Variants in RPS6KA2 observed in about 807,000 individuals in gnomAD.
RPS6KA2 encodes the protein ribosomal protein S6 kinase A2, also known as ribosomal protein S6 kinase alpha-2.
In RPS6KA2, 42 loss-of-function variants were observed where a neutral mutation model predicts 91.8. The ratio of observed to expected loss-of-function variants is 0.46; its 90% CI spans 0.36 to 0.59. RPS6KA2 has a LOEUF of 0.59. Ranked by LOEUF, RPS6KA2 falls within the 20% of genes least tolerant of loss-of-function variation. The pLI, the probability that RPS6KA2 is intolerant of heterozygous loss-of-function variation, is 0.00. For missense variants in RPS6KA2, 798 were observed against 978.5 expected (o/e 0.82, Z 2.46); for synonymous variants, 414 against 393.6 (o/e 1.05, Z -0.61).
chr6:166,682,444 C>G (rs751639968), intron 2 of RPS6KA2, among the ~76,000 whole-genome samples: 1 of 152,094 alleles, frequency 6.6e-6, no homozygotes, highest in Admixed American at 6.5e-5. Flanking sequence ...AGGTGGGGTC[C>G]GGTGTGGGCA....
At chr6:166,805,243 C>T (rs1779462980) in intron 2 of RPS6KA2, among the ~76,000 whole-genome samples, 1 of 152,210 alleles carries the variant, frequency 6.6e-6, no homozygotes, top group Non-Finnish European at 1.5e-5. Context: ...CTTTCGCAAC[C>T]TGCAGGTAGC....
intron 7 of RPS6KA2, among the ~76,000 whole-genome samples, chr6:166,499,556 C>T (rs766843896): frequency 6.6e-6 from 1 of 152,176 alleles, no homozygotes; most frequent in Non-Finnish European, 1.5e-5. Context: ...ATAAGACTCA[C>T]GAGATCTGAT....
chr6:166,760,169 T>C (rs1036191406), intron 2 of RPS6KA2, among the ~76,000 whole-genome samples: 8 of 152,238 alleles, frequency 5.3e-5, no homozygotes, highest in Non-Finnish European at 5.9e-5. Context: ...GTAGCTCATG[T>C]AGGGCAATGT....
intron 1 of RPS6KA2, among the ~76,000 whole-genome samples, chr6:166,542,960 T>G (rs1005235898): frequency 2.6e-5 from 4 of 152,188 alleles, no homozygotes; most frequent in Non-Finnish European, 5.9e-5. Flanking sequence ...AATCGCAGAT[T>G]CACATGTAGG....
chr6:166,658,758 C>A (rs1362945542), intron 2 of RPS6KA2, among the ~76,000 whole-genome samples: 1 of 152,148 alleles, frequency 6.6e-6, no homozygotes, highest in Non-Finnish European at 1.5e-5. Context: ...TTCATCTGTG[C>A]AAGGGAAACT....
intron 2 of RPS6KA2, among the ~76,000 whole-genome samples, chr6:166,787,989 A>AAC (rs1313683496): frequency 7.8e-4 from 119 of 151,906 alleles, no homozygotes; most frequent in African/African-American, 2.8e-3. Context: ...AAAAAAAAAA[A>AAC]AAAACCAACC....
chr6:166,624,553 G>A (rs1378992139), intron 1 of RPS6KA2, among the ~76,000 whole-genome samples: 1 of 152,190 alleles, frequency 6.6e-6, no homozygotes, highest in African/African-American at 2.4e-5. Flanking sequence ...TCAGCTGCTT[G>A]TGAGACTCAT....
intron 10 of RPS6KA2, among the ~76,000 whole-genome samples, chr6:166,471,969 T>C (rs1430931049): frequency 6.6e-6 from 1 of 152,212 alleles, no homozygotes; most frequent in Admixed American, 6.5e-5. Flanking sequence ...TGTAATGAAA[T>C]TTCCAGAGCG....
At chr6:166,567,214 G>A (rs931949202) in intron 1 of RPS6KA2, among the ~76,000 whole-genome samples, 12 of 152,284 alleles carry the variant, frequency 7.9e-5, no homozygotes, top group Non-Finnish European at 1.5e-4. Context: ...GTGGCAAATC[G>A]GATGTTCTTT....
chr6:166,562,718 G>A (rs1713575827), intron 1 of RPS6KA2, among the ~76,000 whole-genome samples: 1 of 152,226 alleles, frequency 6.6e-6, no homozygotes, highest in Non-Finnish European at 1.5e-5. Context: ...CCAAGAAACA[G>A]CCTCAGAAGA....
intron 5 of RPS6KA2, among the ~76,000 whole-genome samples, chr6:166,505,679 G>C (rs1453909595): frequency 6.6e-6 from 1 of 152,216 alleles, no homozygotes; most frequent in Admixed American, 6.5e-5. Context: ...TCACACAGGG[G>C]GTTCTTCCAC....
At chr6:166,555,463 C>T (rs1278180335) in intron 1 of RPS6KA2, among the ~76,000 whole-genome samples, 1 of 152,186 alleles carries the variant, frequency 6.6e-6, no homozygotes, top group Non-Finnish European at 1.5e-5. Context: ...TAGCTTCTTC[C>T]TCTCCCTGTC....
chr6:166,614,255 C>T (rs1786314623), intron 1 of RPS6KA2, among the ~76,000 whole-genome samples: 1 of 152,226 alleles, frequency 6.6e-6, no homozygotes, highest in African/African-American at 2.4e-5. Flanking sequence ...GATATAGATG[C>T]AGCCGAGCTT....
intron 2 of RPS6KA2, among the ~76,000 whole-genome samples, chr6:166,842,563 T>C (rs1027811613): frequency 6.6e-6 from 1 of 152,170 alleles, no homozygotes; most frequent in Non-Finnish European, 1.5e-5. Flanking sequence ...GCCCGGTGCA[T>C]GGAACTTTGT....
chr6:166,511,688 G>T (rs1214055766), intron 3 of RPS6KA2, among the ~76,000 whole-genome samples: 1 of 152,156 alleles, frequency 6.6e-6, no homozygotes, highest in African/African-American at 2.4e-5. Context: ...TGTATCATGG[G>T]CCAGGTATTT....
chr6:166,727,900 A>C (rs1790388353), intron 2 of RPS6KA2, among the ~76,000 whole-genome samples: 1 of 122,226 alleles, frequency 8.2e-6, no homozygotes, highest in Admixed American at 7.3e-5. Flanking sequence ...TGACCCTCTG[A>C]TAGGGGTTTG....
At chr6:166,616,103 G>A (rs1171207527) in intron 1 of RPS6KA2, among the ~76,000 whole-genome samples, 1 of 152,128 alleles carries the variant, frequency 6.6e-6, no homozygotes, top group Non-Finnish European at 1.5e-5. Flanking sequence ...TGGGGAGAAG[G>A]TGCCAGTCAG....
chr6:166,721,109 A>C (rs1583049092), intron 2 of RPS6KA2, among the ~76,000 whole-genome samples: 1 of 152,340 alleles, frequency 6.6e-6, no homozygotes, highest in Admixed American at 6.5e-5. Flanking sequence ...ATTTCTTAAC[A>C]ATTTCACGAG....
At chr6:166,797,157 C>T (rs1779248044) in intron 2 of RPS6KA2, among the ~76,000 whole-genome samples, 1 of 152,212 alleles carries the variant, frequency 6.6e-6, no homozygotes, top group South Asian at 2.1e-4. Flanking sequence ...TCTGCTGCCG[C>T]ATCTCTGTGT....
Sources: allele counts gnomAD v4.1 joint callset (sites outside exome capture counted in the v4.1 genomes callset), GRCh38; gene constraint gnomAD v4.1.1; transcripts MANE v1.5; gene names NCBI Gene and HGNC (gene_info 2026-07-23, HGNC 2026-07-21).